Variants in PCBP3 observed in about 807,000 individuals in gnomAD.
PCBP3 encodes the protein poly(rC)-binding protein 3.
PCBP3 carries 25 observed loss-of-function variants against 52.7 expected under a neutral mutation model. That is an observed-to-expected ratio of 0.47 (90% CI 0.35 to 0.66). The LOEUF is 0.66. Ranked by LOEUF, PCBP3 falls within the 30% of genes least tolerant of loss-of-function variation. The probability of loss-of-function intolerance (pLI) is 0.01; values close to 1 mark genes in which losing one functional copy is unlikely to be tolerated. For synonymous variants in PCBP3, 162 were observed against 183.0 expected (o/e 0.89, Z 0.93); for missense variants, 391 against 490.3 (o/e 0.80, Z 1.91).
intron 4 of PCBP3, among the ~76,000 whole-genome samples, chr21:45,804,762 A>G (rs1325191376): frequency 6.6e-6 from 1 of 151,518 alleles, no homozygotes; most frequent in Non-Finnish European, 1.5e-5. Flanking sequence ...AGTTTCTGAA[A>G]CCTCCTGTGT....
At chr21:45,849,840 C>G (rs1467403672) in intron 4 of PCBP3, 121 bp from the exon 5 acceptor site, 1 of 538,104 alleles carries the variant, frequency 1.9e-6, no homozygotes, top group Middle Eastern at 3.4e-4. Flanking sequence ...GCCTTGTACT[C>G]GAATGCTGAA....
intron 4 of PCBP3, among the ~76,000 whole-genome samples, chr21:45,766,811 G>A (rs2089374968): frequency 6.6e-6 from 1 of 152,134 alleles, no homozygotes; most frequent in South Asian, 2.1e-4. Flanking sequence ...CTCCCTTAGG[G>A]CTTCATAGCC....
rs573840266 is a variant in PCBP3, at chr21:45,883,364, G to A, written c.11-12844G>A. ...CATGCAGGAAGAGAGTGTGGATTCT[G>A]CTGATGCTGGACAGAGTGTTCCGGA... On this transcript the variant is annotated intron_variant, in intron 5 of 17. Transcript: ENST00000681687. 5.4e-4 allele frequency among the ~76,000 whole-genome samples: 82 copies of A among 152,316 alleles called. 1 individual carries two copies. In the South Asian group the frequency reaches 0.017, roughly 31 times the overall value.
chr21:45,835,861 G>A (rs551452967), intron 4 of PCBP3, among the ~76,000 whole-genome samples: 12 of 152,088 alleles, frequency 7.9e-5, no homozygotes, highest in East Asian at 1.9e-4. Flanking sequence ...AGAGGAGAGC[G>A]CAGAAAGCCA....
chr21:45,694,913 C>T lies in PCBP3; in HGVS notation c.-200+25961C>T, dbSNP rs149130483. Among the ~76,000 whole-genome samples, 341 of 152,218 alleles carry T rather than the reference C, an allele frequency of 2.2e-3. 3 individuals are homozygous for T. In the Middle Eastern group the frequency reaches 0.034, roughly 15 times the overall value. On this transcript the variant is annotated intron_variant, in intron 2 of 17. Transcript: ENST00000681687. ...CTCTTTGAAACTAAAACACCACGAT[C>T]GAAATTTCAGCAATTTGTTTTTTTT...
At chr21:45,832,382 T>TC (rs1469987920) in intron 4 of PCBP3, among the ~76,000 whole-genome samples, 1 of 152,160 alleles carries the variant, frequency 6.6e-6, no homozygotes, top group African/African-American at 2.4e-5. Context: ...TGACCTCCTA[T>TC]CTCATCCCAA....
In PCBP3 at chr21:45,788,699, C is replaced by T. The variant is rs1236883547; in HGVS notation, c.-126+33247C>T. ...CCCTCAGAGACGATGCTAACGGCCT[C>T]TCAGATGCTGACCTGCTTCATGTCT... On this transcript the variant is annotated intron_variant, in intron 4 of 17. Coordinates refer to ENST00000681687, the MANE Select transcript of PCBP3 (RefSeq NM_001384156.1). The surrounding 1 kb of genome is among the most constrained non-coding windows in gnomAD (Gnocchi z 4.3). 4 of 152,164 alleles carry T rather than the reference C, an allele frequency of 2.6e-5. No individual in the cohort carries two copies. The highest frequency in any genetic ancestry group is 2.6e-4 in the Admixed American group (4 of 15,274). 9.4% of individuals were successfully genotyped at this position (152,164 alleles called of 1,614,324 possible). A position where few individuals can be genotyped will look rare whatever the true frequency, so the allele number is the denominator to read the frequency against.
intron 5 of PCBP3, among the ~76,000 whole-genome samples, chr21:45,852,918 G>C (rs940224355): frequency 6.6e-6 from 1 of 152,226 alleles, no homozygotes; most frequent in Non-Finnish European, 1.5e-5. Context: ...GTGAAGGATC[G>C]GAAAGACAGT....
intron 3 of PCBP3, among the ~76,000 whole-genome samples, chr21:45,752,207 TACTC>T (rs2087579836): frequency 6.6e-6 from 1 of 152,176 alleles, no homozygotes; most frequent in Non-Finnish European, 1.5e-5. Context: ...AAGAGGAAAT[TACTC>T]ATGTTTTATT....
intron 5 of PCBP3, among the ~76,000 whole-genome samples, chr21:45,851,637 A>T (rs1412254272): frequency 6.7e-6 from 1 of 149,150 alleles, no homozygotes; most frequent in Non-Finnish European, 1.5e-5. Context: ...ATAGATAGAT[A>T]GATAGGTAAA....
chr21:45,857,822 C>T (rs528605991), intron 5 of PCBP3, among the ~76,000 whole-genome samples: 1 of 152,342 alleles, frequency 6.6e-6, no homozygotes, highest in East Asian at 1.9e-4. Context: ...AAGCCTCAAG[C>T]CCTGGTGCTG....
chr21:45,676,289 G>A (rs971085029), intron 2 of PCBP3, among the ~76,000 whole-genome samples: 1 of 152,126 alleles, frequency 6.6e-6, no homozygotes, highest in African/African-American at 2.4e-5. Context: ...AGTTAGAATT[G>A]TGGAAAACTT....
At chr21:45,660,809 C>T (rs971594804) in intron 1 of PCBP3, among the ~76,000 whole-genome samples, 3 of 152,092 alleles carry the variant, frequency 2.0e-5, no homozygotes, top group East Asian at 1.9e-4. Flanking sequence ...GAGGCCGACG[C>T]GGACAGATCA....
At chr21:45,753,607 T>C (rs1006537634) in intron 3 of PCBP3, among the ~76,000 whole-genome samples, 1 of 152,198 alleles carries the variant, frequency 6.6e-6, no homozygotes, top group African/African-American at 2.4e-5. Flanking sequence ...TCTATTTAGC[T>C]CAACTTTCTT....
chr21:45,728,152 G>A (rs1039652177), intron 2 of PCBP3, among the ~76,000 whole-genome samples: 2 of 152,056 alleles, frequency 1.3e-5, no homozygotes, highest in Non-Finnish European at 2.9e-5. Context: ...TGGAGGGTAC[G>A]GTCTAACTTT....
chr21:45,724,400 C>T lies in PCBP3; in HGVS notation c.-199-10992C>T, dbSNP rs2084877323. 6.6e-6 allele frequency among the ~76,000 whole-genome samples: 1 copy of T among 151,994 alleles called. No homozygotes were observed. Among genetic ancestry groups the T allele is most frequent in the East Asian group, 1.9e-4 (1 of 5,152 alleles). ...CAGGGTGGTGCATGGGGGCTGCCCA[C>T]ACTCCCTGCTGCTTTCTGCTCTCTG... On this transcript the variant is annotated intron_variant, in intron 2 of 17. Transcript: ENST00000681687. The surrounding 1 kb of genome is among the most constrained non-coding windows in gnomAD (Gnocchi z 5.3).
intron 13 of PCBP3, among the ~76,000 whole-genome samples, chr21:45,923,107 G>A (rs757856498): frequency 3.9e-5 from 6 of 152,258 alleles, no homozygotes; most frequent in Non-Finnish European, 7.3e-5. Flanking sequence ...TGAAGGGCAC[G>A]CGTGGGCTCT....
At chr21:45,769,948 A>G (rs2089717122) in intron 4 of PCBP3, among the ~76,000 whole-genome samples, 2 of 152,238 alleles carry the variant, frequency 1.3e-5, no homozygotes, top group Admixed American at 1.3e-4. Context: ...AAAATGGAAG[A>G]AGAACTTTTC....
intron 13 of PCBP3, among the ~76,000 whole-genome samples, chr21:45,924,312 G>A (rs112940544): frequency 2.3e-4 from 32 of 136,990 alleles, no homozygotes; most frequent in African/African-American, 5.8e-4. Flanking sequence ...GAACAGTCGC[G>A]TGGGTAGAAA....
Sources: gnomAD v4.1 joint callset for allele counts (sites outside exome capture counted in the v4.1 genomes callset) on GRCh38, gnomAD v4.1.1 for gene constraint, Gnocchi (gnomAD v3.1) non-coding constraint, MANE v1.5 for transcripts, NCBI Gene and HGNC (gene_info 2026-07-23, HGNC 2026-07-21) for gene names.